Variants in PDE11A observed in about 807,000 individuals in gnomAD.
PDE11A encodes phosphodiesterase 11A.
In PDE11A, 100 loss-of-function variants were observed where a neutral mutation model predicts 100.5. The observed-to-expected ratio is 1.00, with a 90% CI of 0.85 to 1.18. The LOEUF is 1.18. Ranked by LOEUF, PDE11A falls within the 50% of genes most tolerant of loss-of-function variation. PDE11A has a pLI of 0.00. For synonymous variants in PDE11A, 381 were observed against 420.8 expected (o/e 0.91, Z 1.16); for missense variants, 1,141 against 1,152.6 (o/e 0.99, Z 0.15).
At chr2:178,051,453 G>T (rs1270243067) in intron 1 of PDE11A, among the ~76,000 whole-genome samples, 1 of 152,046 alleles carries the variant, frequency 6.6e-6, no homozygotes, top group Admixed American at 6.6e-5. Context: ...ATCAACTAAC[G>T]GGCAAAATAA....
In PDE11A at chr2:178,014,405, AATG is replaced by A; in HGVS notation, c.965_967del (p.Ser322del). On this transcript the variant is annotated inframe_deletion, in exon 2 of 20. Transcript: ENST00000286063. ...ACTGCTTCGGATAGGCATGCACAAT[AATG>A]ATTTTGTCTTGTATCCAGTTAGCTT... The A allele has an allele frequency of 6.2e-7, 1 of 1,612,620 alleles. No individual in the cohort carries two copies. Among genetic ancestry groups the A allele is most frequent in the South Asian group, 1.1e-5 (1 of 91,034 alleles).
At chr2:177,979,357 T>C (rs928165102) in intron 2 of PDE11A, among the ~76,000 whole-genome samples, 2 of 150,752 alleles carry the variant, frequency 1.3e-5, no homozygotes, top group South Asian at 4.3e-4. Context: ...AAATGAAATA[T>C]GGCTTACATG....
At chr2:177,801,303 G>C (rs539885634) in intron 9 of PDE11A, among the ~76,000 whole-genome samples, 91 of 152,050 alleles carry the variant, frequency 6.0e-4, no homozygotes, top group African/African-American at 2.1e-3. Context: ...TTGTTTACTT[G>C]TCTACTGCCT....
chr2:178,099,401 G>C (rs1276409385), intron 2 of PDE11A, among the ~76,000 whole-genome samples: 1 of 139,980 alleles, frequency 7.1e-6, no homozygotes, highest in African/African-American at 2.7e-5. Context: ...TCACAACACT[G>C]TACTCCAGCC....
chr2:178,010,443 G>C (rs763712966), intron 2 of PDE11A, among the ~76,000 whole-genome samples: 1 of 152,090 alleles, frequency 6.6e-6, no homozygotes, highest in Non-Finnish European at 1.5e-5. Context: ...TGAGAAATTA[G>C]GTACACATAC....
intron 15 of PDE11A, among the ~76,000 whole-genome samples, chr2:177,685,267 A>AT (rs2080926816): frequency 6.6e-6 from 1 of 152,200 alleles, no homozygotes; most frequent in Admixed American, 6.5e-5. Context: ...CACAGTTGCC[A>AT]TTTGGAGAGA....
intron 9 of PDE11A, among the ~76,000 whole-genome samples, chr2:177,777,630 T>C (rs1434958004): frequency 6.6e-6 from 1 of 152,192 alleles, no homozygotes; most frequent in Non-Finnish European, 1.5e-5. Context: ...AATAATACCT[T>C]TGATCAAGTA....
chr2:177,933,521 A>G (rs1200734275), intron 2 of PDE11A, among the ~76,000 whole-genome samples: 2 of 152,038 alleles, frequency 1.3e-5, no homozygotes. Flanking sequence ...TCTCTACTAA[A>G]AATACAAAAA....
At chr2:177,853,706 G>T (rs369742870) in intron 5 of PDE11A, among the ~76,000 whole-genome samples, 17,559 of 55,672 alleles carry the variant, frequency 0.32, 2,958 homozygotes, top group South Asian at 0.4. Flanking sequence ...GTGTGTGTGT[G>T]TGTGTGTTTG....
intron 19 of PDE11A, among the ~76,000 whole-genome samples, chr2:177,652,624 C>T (rs143895479): frequency 2.6e-3 from 403 of 152,120 alleles, no homozygotes; most frequent in African/African-American, 9.3e-3. Context: ...TGGGACTATA[C>T]GCATGAGACT....
intron 1 of PDE11A, among the ~76,000 whole-genome samples, chr2:178,016,772 A>C (rs147319056): frequency 3.2e-4 from 49 of 152,330 alleles, no homozygotes; most frequent in African/African-American, 1.2e-3. Context: ...AAGGTCCTGA[A>C]GCAGGAAAAA....
At chr2:177,835,196 CTTCT>C (rs1436852824) in intron 6 of PDE11A, among the ~76,000 whole-genome samples, 2 of 152,180 alleles carry the variant, frequency 1.3e-5, no homozygotes, top group African/African-American at 2.4e-5. Context: ...AGAAACACCT[CTTCT>C]TTCTCTGCCT....
intron 2 of PDE11A, among the ~76,000 whole-genome samples, chr2:177,923,881 G>C (rs1044208953): frequency 6.6e-6 from 1 of 152,084 alleles, no homozygotes; most frequent in African/African-American, 2.4e-5. Flanking sequence ...AACATCCAGC[G>C]CAATACCTAG....
intron 2 of PDE11A, among the ~76,000 whole-genome samples, chr2:177,908,905 A>C (rs910834356): frequency 1.8e-4 from 28 of 152,244 alleles, no homozygotes; most frequent in African/African-American, 6.5e-4. Context: ...CAAGTAGTAT[A>C]AGCTATTCTT....
At position 177,627,017 on chromosome 2, in the gene PDE11A, C is replaced by CTTTTTTTTTTTTTTTT. The variant is rs768524227; in HGVS notation, c.*2374_*2389dup. ...TATTCCCCTCTTAGTCTGGTTTATA[C>CTTTTTTTTTTTTTTTT]TTTTTTTTTTTTTTTTTTTTTTTTT... On this transcript the variant is annotated 3_prime_UTR_variant, in exon 20 of 20. Transcript: ENST00000286063. The CTTTTTTTTTTTTTTTT allele has an allele frequency of 4.9e-5, 2 of 40,954 alleles. 1 individual carries two copies. The highest frequency in any genetic ancestry group is 2.8e-4 in the African/African-American group (2 of 7,036). The allele number at this position is 40,954 out of a possible 1,614,324, so 2.5% of individuals were successfully genotyped here.
At chr2:177,921,626 A>G (rs867389967) in intron 2 of PDE11A, 2 of 152,154 alleles carry the variant, frequency 1.3e-5, no homozygotes, top group African/African-American at 4.8e-5. Flanking sequence ...TCCATAGACT[A>G]GTTTCTGACT....
chr2:177,854,196 A>G (rs911511465), intron 5 of PDE11A, among the ~76,000 whole-genome samples: 6 of 151,984 alleles, frequency 3.9e-5, no homozygotes, highest in Admixed American at 2.6e-4. Context: ...ATGGCTTATT[A>G]TCATGGAACA....
At chr2:177,652,410 G>A (rs1244776031) in intron 19 of PDE11A, among the ~76,000 whole-genome samples, 1 of 152,172 alleles carries the variant, frequency 6.6e-6, no homozygotes, top group Non-Finnish European at 1.5e-5. Flanking sequence ...CAGGCACGGG[G>A]TGTGGAACAT....
intron 12 of PDE11A, among the ~76,000 whole-genome samples, chr2:177,715,814 G>A (rs571272878): frequency 1.3e-5 from 2 of 152,072 alleles, no homozygotes; most frequent in African/African-American, 4.8e-5. Context: ...TCTGTGTTTG[G>A]TGGTTTCTCT....
Sources: allele counts gnomAD v4.1 joint callset (sites outside exome capture counted in the v4.1 genomes callset), GRCh38; gene constraint gnomAD v4.1.1; transcripts MANE v1.5; gene names NCBI Gene and HGNC (gene_info 2026-07-23, HGNC 2026-07-21).